ZBED1: variants seen among roughly 807,000 people sequenced by gnomAD.
ZBED1 encodes the protein E3 SUMO-protein ligase ZBED1.
In ZBED1, 19 loss-of-function variants were observed where a neutral mutation model predicts 49.7. The ratio of observed to expected loss-of-function variants is 0.38; its 90% CI spans 0.27 to 0.56. The LOEUF (loss-of-function observed/expected upper bound fraction) is 0.56. Among genes scored for constraint, ZBED1 ranks in the 20% least tolerant of loss-of-function variants. The pLI is 0.70. For synonymous variants in ZBED1, 439 were observed against 440.3 expected (o/e 1.00, Z 0.04); for missense variants, 806 against 972.6 (o/e 0.83, Z 2.28).
intron 1 of ZBED1, among the ~76,000 whole-genome samples, chrX:2,495,810 C>T (rs1219847602): frequency 2.6e-5 from 4 of 152,112 alleles, no homozygotes; most frequent in Non-Finnish European, 5.9e-5. Flanking sequence ...CCAAAACGCT[C>T]TCAGGGGGCC....
At chrX:2,500,565 AGGGTC>A (rs1375133208) in intron 1 of ZBED1, 1 of 171,186 alleles carries the variant, frequency 5.8e-6, no homozygotes, top group Non-Finnish European at 1.2e-5. Context: ...CGGGGAGGGA[AGGGTC>A]GGGCCGGGTC....
rs1180412880 is a variant in ZBED1, at chrX:2,489,353, G to C, written c.1367C>G (p.Ser456Cys). 6.2e-7 allele frequency: 1 copy of C among 1,613,586 alleles called. No individual in the cohort carries two copies. The highest frequency in any genetic ancestry group is 8.5e-7 in the Non-Finnish European group (1 of 1,179,732). Residue 456 changes from serine (S) to cysteine (C), a missense_variant, in exon 2 of 2, where the codon TCC becomes TGC. Coordinates refer to ENST00000652001, the MANE Select transcript of ZBED1 (RefSeq NM_001171136.2). ...MAKEVIAKEL[S>C]KTYQETPEID... ...CTCGGGCGTCTCCTGGTAGGTCTTG[G>C]AAAGCTCCTTGGCGATGACCTCCTT...
chrX:2,488,565 G>C lies in ZBED1; in HGVS notation c.*70C>G. On this transcript the variant is annotated 3_prime_UTR_variant, in exon 2 of 2. Transcript: ENST00000652001. The stretch of plus-strand genomic sequence containing the variant: ...CTGAGGTTCAAAACCAAGCTGACCG[G>C]GTAAGTATTTACAGCAAAGCATCCA... 5 of 1,507,882 alleles carry C rather than the reference G, an allele frequency of 3.3e-6. No homozygotes were observed. Among genetic ancestry groups the C allele is most frequent in the East Asian group, 2.3e-5 (1 of 43,762 alleles). The allele number at this position is 1,507,882 out of a possible 1,614,324, so 93.4% of individuals were successfully genotyped here.
At chrX:2,490,793 C>T (rs1350390913) in intron 1 of ZBED1, 21 bp from the exon 2 acceptor site, 2 of 1,553,376 alleles carry the variant, frequency 1.3e-6, no homozygotes, top group Non-Finnish European at 1.7e-6. Context: ...CCAAGACAAA[C>T]ACAGCATGAG....
chrX:2,493,886 C>T (rs1398395144), intron 1 of ZBED1, among the ~76,000 whole-genome samples: 7 of 152,158 alleles, frequency 4.6e-5, no homozygotes, highest in African/African-American at 1.7e-4. Context: ...GCACGAGAAT[C>T]GTTTGAACCC....
chrX:2,492,037 T>C (rs966002779), intron 1 of ZBED1, among the ~76,000 whole-genome samples: 2 of 152,136 alleles, frequency 1.3e-5, no homozygotes, highest in Middle Eastern at 3.2e-3. Flanking sequence ...AATATCAAAA[T>C]GCACCACCCA....
rs1467564774 is a variant in ZBED1, at chrX:2,490,620, T to C, written c.100A>G (p.Asn34Asp). 5.6e-6 allele frequency: 9 copies of C among 1,613,822 alleles called. No individual in the cohort carries two copies. Among genetic ancestry groups the C allele is most frequent in the African/African-American group, 1.3e-5 (1 of 74,906 alleles). ...CACTGCAGGATGCATCCCTCGGCGT[T>C]GGTGTCGAAGCCGAAATACTTCCAC... ...KVWKYFGFDT[N>D]AEGCILQWKK... The change falls in exon 2 of 2, where the codon AAC (asparagine) becomes GAC (aspartate). Residue 34 changes from asparagine (N) to aspartate (D), a missense_variant. Physicochemically the swap from Asn to Asp is conservative, Grantham distance 23. Around this residue, in one of 2 missense-constraint regions of ZBED1, gnomAD observed 57 missense variants for 111.3 expected, o/e 0.51. Transcript: ENST00000652001.
At chrX:2,493,471 CATTATT>C (rs762176172) in intron 1 of ZBED1, among the ~76,000 whole-genome samples, 2 of 150,624 alleles carry the variant, frequency 1.3e-5, no homozygotes, top group South Asian at 4.2e-4. Flanking sequence ...TTATTATTAT[CATTATT>C]ATTATTATTA....
chrX:2,488,343 T>G lies in ZBED1; in HGVS notation c.*292A>C. ...GCACATGCCATCAGTCCTGGCTAAT[T>G]TTTGTATTTTTAGTAGAGACGGGGT... On this transcript the variant is annotated 3_prime_UTR_variant, in exon 2 of 2. Transcript: ENST00000652001. 5.4e-6 allele frequency: 2 copies of G among 372,910 alleles called. No homozygotes were observed. The highest frequency in any genetic ancestry group is 4.7e-6 in the Non-Finnish European group (1 of 211,334). The allele number at this position is 372,910 out of a possible 1,614,324, so 23.1% of individuals were successfully genotyped here.
chrX:2,497,982 C>T (rs746710248), intron 1 of ZBED1, among the ~76,000 whole-genome samples: 1 of 152,304 alleles, frequency 6.6e-6, no homozygotes, highest in Admixed American at 6.5e-5. Flanking sequence ...GTCTTAAGAA[C>T]ACAGAGACAG....
At chrX:2,493,647 G>A (rs1262733897) in intron 1 of ZBED1, among the ~76,000 whole-genome samples, 1 of 151,940 alleles carries the variant, frequency 6.6e-6, no homozygotes, top group Admixed American at 6.6e-5. Flanking sequence ...TTATTAGGCT[G>A]AAAAAGGTCT....
At chrX:2,495,763 C>G (rs2045268339) in intron 1 of ZBED1, among the ~76,000 whole-genome samples, 1 of 151,992 alleles carries the variant, frequency 6.6e-6, no homozygotes, top group Non-Finnish European at 1.5e-5. Context: ...TGCAGCATCC[C>G]CAGTGCGGGG....
Position 2,488,743 on chromosome X carries a change from G to A in ZBED1, c.1977C>T (p.Pro659=), listed in dbSNP as rs756503818. 74 of 1,613,752 alleles carry A rather than the reference G, an allele frequency of 4.6e-5. No homozygotes were observed. The East Asian group carries it at 8.5e-4, about 18-fold the overall frequency. ...ENARSGAEAE[P]EDQDEGEWGL... is the part of the protein sequence containing the mutation. ...CCCACTCCCCCTCGTCCTGGTCCTC[G>A]GGTTCCGCCTCTGCCCCACTCCGGG... is the stretch of plus-strand genomic sequence containing the variant. The change falls in exon 2 of 2, where the codon CCC becomes CCT. Residue 659 remains proline, a synonymous_variant. Coordinates refer to ENST00000652001, the MANE Select transcript of ZBED1 (RefSeq NM_001171136.2).
rs1227366401 is a variant in ZBED1 at position 2,486,729 on chromosome X, C to A, written c.*1906G>T. ...GTGTCCCTTCCAGCTGCCCTTCTGC[C>A]GAGAACACCCGGAGCTGAGGGTTCC... On this transcript the variant is annotated 3_prime_UTR_variant, in exon 2 of 2. Coordinates refer to ENST00000652001, the MANE Select transcript of ZBED1 (RefSeq NM_001171136.2). The A allele has an allele frequency of 1.3e-5, 2 of 152,386 alleles. No homozygotes were observed. Among genetic ancestry groups the A allele is most frequent in the East Asian group, 3.9e-4 (2 of 5,190 alleles). The allele number at this position is 152,386 out of a possible 1,614,324, so 9.4% of individuals were successfully genotyped here. A position where few individuals can be genotyped will look rare whatever the true frequency, so the allele number is the denominator to read the frequency against.
At chrX:2,492,283 A>T (rs2045170980) in intron 1 of ZBED1, among the ~76,000 whole-genome samples, 1 of 151,728 alleles carries the variant, frequency 6.6e-6, no homozygotes, top group Admixed American at 6.6e-5. Flanking sequence ...CAGTGTCCTT[A>T]ATAGAAGACA....
chrX:2,499,972 G>C (rs1310579204), intron 1 of ZBED1, among the ~76,000 whole-genome samples: 4 of 152,166 alleles, frequency 2.6e-5, no homozygotes, highest in Non-Finnish European at 4.4e-5. Flanking sequence ...GAGCCCAGGA[G>C]TTCGAGAGTA....
chrX:2,490,944 T>C (rs2045121313), intron 1 of ZBED1, among the ~76,000 whole-genome samples, 172 bp from the exon 2 acceptor site: 1 of 152,124 alleles, frequency 6.6e-6, no homozygotes, highest in African/African-American at 2.4e-5. Flanking sequence ...GGAGGGAACC[T>C]AGCGCAGGAA....
chrX:2,498,645 A>G (rs1426192572), intron 1 of ZBED1, among the ~76,000 whole-genome samples: 2 of 148,252 alleles, frequency 1.3e-5, no homozygotes, highest in African/African-American at 4.9e-5. Context: ...AAAAAAAAAG[A>G]TTCCAGCCCT....
At position 2,500,841 on chromosome X, in the gene ZBED1, AGCGCCGCAGCAGCT is replaced by A; in HGVS notation, c.-92_-79del. On this transcript the variant is annotated 5_prime_UTR_variant, in exon 1 of 2. The change abolishes the stop of an existing upstream ORF in the 5' untranslated region. Transcript: ENST00000652001. ...CCTGGCTCCAGGAAGCCCCCGCGGC[AGCGCCGCAGCAGCT>A]GCGCCAGGATCACCGCGGCGCCTAC... is the stretch of plus-strand genomic sequence containing the variant. 1 of 1,126,082 alleles carries A rather than the reference AGCGCCGCAGCAGCT, an allele frequency of 8.9e-7. No individual in the cohort carries two copies. The highest frequency in any genetic ancestry group is 1.8e-5 in the African/African-American group (1 of 57,102). 69.8% of individuals were successfully genotyped at this position (1,126,082 alleles called of 1,614,324 possible). A position where few individuals can be genotyped will look rare whatever the true frequency, so the allele number is the denominator to read the frequency against.
Sources: gnomAD v4.1 joint callset for allele counts (sites outside exome capture counted in the v4.1 genomes callset) on GRCh38, gnomAD v4.1.1 for gene constraint, gnomAD v4.1.1 regional missense constraint, MANE v1.5 for transcripts, NCBI Gene and HGNC (gene_info 2026-07-23, HGNC 2026-07-21) for gene names.